The following SYNDIG1L variants were observed in gnomAD, a reference collection of about 807,000 sequenced individuals.
SYNDIG1L encodes the protein synapse differentiation-inducing gene protein 1-like.
Under a neutral mutation model 20.1 loss-of-function variants are expected in SYNDIG1L, and 13 were observed. The ratio of observed to expected loss-of-function variants is 0.65; its 90% CI spans 0.42 to 1.03. The LOEUF (loss-of-function observed/expected upper bound fraction) is 1.03. Ranked by LOEUF, SYNDIG1L falls within the 50% of genes least tolerant of loss-of-function variation. SYNDIG1L has a pLI of 0.00. For synonymous variants in SYNDIG1L, 128 were observed against 129.3 expected, an observed-to-expected ratio of 0.99 and a Z score of 0.07; for missense variants, 294 against 305.1, an observed-to-expected ratio of 0.96 and a Z score of 0.27.
At chr14:74,477,964 A>G in the SYNDIG1L span, among the ~76,000 whole-genome samples, 2 of 152,194 alleles carry the variant, frequency 1.3e-5, no homozygotes, top group African/African-American at 2.4e-5. Context: ...CGGGAGCCCT[A>G]CCTAGCTCAC....
chr14:74,433,302 C>T, the SYNDIG1L span, among the ~76,000 whole-genome samples: 1 of 152,156 alleles, frequency 6.6e-6, no homozygotes, highest in Non-Finnish European at 1.5e-5. Flanking sequence ...TACTGGGAAA[C>T]CATCCTAAGA....
chr14:74,466,034 G>A, the SYNDIG1L span, among the ~76,000 whole-genome samples: 1 of 152,214 alleles, frequency 6.6e-6, no homozygotes, highest in Non-Finnish European at 1.5e-5. Context: ...CATTATCAGA[G>A]AAGCGCAGCC....
chr14:74,445,260 C>T, the SYNDIG1L span, among the ~76,000 whole-genome samples: 1 of 152,138 alleles, frequency 6.6e-6, no homozygotes, highest in African/African-American at 2.4e-5. Flanking sequence ...CAGATGCCAG[C>T]ATTATGCTTT....
intron 1 of SYNDIG1L, among the ~76,000 whole-genome samples, chr14:74,413,528 A>G (rs1415244255): frequency 1.3e-5 from 2 of 152,074 alleles, no homozygotes; most frequent in African/African-American, 2.4e-5. Context: ...AAATGTCAAG[A>G]GTGATTATCT....
chr14:74,427,495 G>A (rs528787140), upstream of SYNDIG1L, among the ~76,000 whole-genome samples: 1 of 152,250 alleles, frequency 6.6e-6, no homozygotes, highest in Admixed American at 6.5e-5. Flanking sequence ...GGAGCCAGGA[G>A]CAAGTCCACA....
chr14:74,454,501 G>C, the SYNDIG1L span, among the ~76,000 whole-genome samples: 1 of 152,236 alleles, frequency 6.6e-6, no homozygotes, highest in African/African-American at 2.4e-5. Context: ...AGTGGCCAGA[G>C]AGCAGCCCTG....
chr14:74,409,084 A>G, intron 2 of SYNDIG1L, among the ~76,000 whole-genome samples: 1 of 148,556 alleles, frequency 6.7e-6, no homozygotes, highest in African/African-American at 2.5e-5. Flanking sequence ...TTATTTATTT[A>G]TTTATATTTT....
the SYNDIG1L span, among the ~76,000 whole-genome samples, chr14:74,478,973 TG>T: frequency 6.6e-6 from 1 of 152,186 alleles, no homozygotes; most frequent in Non-Finnish European, 1.5e-5. Context: ...TGTTAATTGT[TG>T]GTGCCAGGAT....
At chr14:74,465,839 T>A in the SYNDIG1L span, among the ~76,000 whole-genome samples, 1 of 152,030 alleles carries the variant, frequency 6.6e-6, no homozygotes, top group African/African-American at 2.4e-5. Context: ...TTGGGAATAA[T>A]CAAAGCCCTA....
At position 74,407,702 on chromosome 14, in the gene SYNDIG1L, A is replaced by G. The variant is rs1412404694; in HGVS notation, c.559-9T>C. 1.3e-6 allele frequency: 2 copies of G among 1,595,702 alleles called. No individual in the cohort carries two copies. Among genetic ancestry groups the G allele is most frequent in the Non-Finnish European group, 1.7e-6 (2 of 1,170,194 alleles). ...GAGATGGCCTTGCTGGTCTAGGGAG[A>G]GAGACATGCTGATGAACAGGAGTGT... On this transcript the variant is annotated splice_polypyrimidine_tract_variant and intron_variant, in intron 3 of 3. Transcript: ENST00000331628.
the SYNDIG1L span, among the ~76,000 whole-genome samples, chr14:74,467,586 G>A: frequency 1.3e-5 from 2 of 152,154 alleles, no homozygotes; most frequent in African/African-American, 4.8e-5. Context: ...TTCTCACCAG[G>A]ACTGATATGA....
At chr14:74,444,396 C>T in the SYNDIG1L span, among the ~76,000 whole-genome samples, 1 of 151,634 alleles carries the variant, frequency 6.6e-6, no homozygotes, top group Non-Finnish European at 1.5e-5. Context: ...TCAATTTTTA[C>T]AATATGTATT....
the SYNDIG1L span, among the ~76,000 whole-genome samples, chr14:74,456,678 G>A: frequency 2.0e-5 from 3 of 152,278 alleles, no homozygotes; most frequent in African/African-American, 7.2e-5. Flanking sequence ...GGAGCTGGGG[G>A]TGGGGGTTAT....
At chr14:74,442,925 G>A in the SYNDIG1L span, among the ~76,000 whole-genome samples, 1 of 152,188 alleles carries the variant, frequency 6.6e-6, no homozygotes. Context: ...GACTCCCAGA[G>A]GAGCAGCAGG....
At chr14:74,471,633 A>C in the SYNDIG1L span, among the ~76,000 whole-genome samples, 1 of 151,064 alleles carries the variant, frequency 6.6e-6, no homozygotes, top group African/African-American at 2.5e-5. Context: ...CACACACACA[A>C]ATCCTCACAA....
chr14:74,458,749 G>T, the SYNDIG1L span, among the ~76,000 whole-genome samples: 84,138 of 151,794 alleles, frequency 0.55, 24,135 homozygotes, highest in African/African-American at 0.71. Flanking sequence ...TTTTGAACAG[G>T]TTTGTCAGCA....
In SYNDIG1L at chr14:74,412,984, A is replaced by G. The variant is rs188010141; in HGVS notation, c.-57-3183T>C. Among the ~76,000 whole-genome samples, 363 of 152,254 alleles carry G rather than the reference A, an allele frequency of 2.4e-3. 4 individuals carry two copies. The highest frequency in any genetic ancestry group is 0.021 in the Admixed American group (320 of 15,300). ...AGCCCCAGGGCCCACAGAGCAGATT[A>G]CTGCATCTGACTCACCCCTGCCCTA... is the stretch of plus-strand genomic sequence containing the variant. On this transcript the variant is annotated intron_variant, in intron 1 of 3. Coordinates refer to ENST00000331628, the MANE Select transcript of SYNDIG1L (RefSeq NM_001105579.2).
At chr14:74,417,786 G>A (rs1215278756) in intron 1 of SYNDIG1L, among the ~76,000 whole-genome samples, 1 of 152,186 alleles carries the variant, frequency 6.6e-6, no homozygotes, top group Non-Finnish European at 1.5e-5. Flanking sequence ...GTGGTGAGGA[G>A]TTGATCTTGA....
At position 74,407,373 on chromosome 14, in the gene SYNDIG1L, G is replaced by A; in HGVS notation, c.*162C>T. ...CTGGGAGCAGCGGGCAAGCAGAAGT[G>A]AAGGCTGAGCTCTGCAGGCTGTGGA... On this transcript the variant is annotated 3_prime_UTR_variant, in exon 4 of 4. Coordinates refer to ENST00000331628, the MANE Select transcript of SYNDIG1L (RefSeq NM_001105579.2). 9.8e-7 allele frequency: 1 copy of A among 1,021,674 alleles called. No homozygotes were observed. Among genetic ancestry groups the A allele is most frequent in the South Asian group, 1.6e-5 (1 of 61,828 alleles). The allele number at this position is 1,021,674 out of a possible 1,614,324, so 63.3% of individuals were successfully genotyped here.
Sources: allele counts gnomAD v4.1 joint callset (sites outside exome capture counted in the v4.1 genomes callset), GRCh38; gene constraint gnomAD v4.1.1; transcripts MANE v1.5; gene names NCBI Gene and HGNC (gene_info 2026-07-23, HGNC 2026-07-21).